EEF1E1: variants seen among roughly 807,000 people sequenced by gnomAD.
EEF1E1 encodes eukaryotic translation elongation factor 1 epsilon 1.
A neutral mutation model predicts 19.9 loss-of-function variants in EEF1E1; 19 were observed. The ratio of observed to expected loss-of-function variants is 0.95; its 90% CI spans 0.66 to 1.40. The LOEUF is 1.40. EEF1E1 is among the 40% of genes most tolerant of loss of function. The pLI is 0.00. For synonymous variants in EEF1E1, 81 were observed against 80.0 expected (o/e 1.01, Z -0.07); for missense variants, 198 against 202.2 (o/e 0.98, Z 0.13).
downstream of EEF1E1, chr6:8,078,821 A>C: frequency 1.7e-6 from 2 of 1,177,014 alleles, no homozygotes; most frequent in Non-Finnish European, 2.1e-6. Context: ...GTCTACTTTA[A>C]TCCTAATTTA....
downstream of EEF1E1, chr6:8,078,599 G>A: frequency 1.8e-6 from 2 of 1,120,422 alleles, no homozygotes; most frequent in Non-Finnish European, 2.2e-6. Flanking sequence ...TCCATGTGTT[G>A]AAGATGAAGA....
intron 2 of EEF1E1, among the ~76,000 whole-genome samples, chr6:8,092,239 A>G (rs1053905712): frequency 6.6e-6 from 1 of 152,234 alleles, no homozygotes; most frequent in African/African-American, 2.4e-5. Context: ...GACCATAGCA[A>G]CATCCCAAAG....
intron 1 of EEF1E1, among the ~76,000 whole-genome samples, chr6:8,099,775 CACACACACACACACACAA>C (rs1304896745): frequency 4.8e-5 from 6 of 124,674 alleles, no homozygotes; most frequent in African/African-American, 2.0e-4. Flanking sequence ...CACACACACA[CACACACACACACACACAA>C]AAAAAAAACA....
intron 2 of EEF1E1, among the ~76,000 whole-genome samples, chr6:8,094,192 G>A (rs1758101527): frequency 6.6e-6 from 1 of 152,114 alleles, no homozygotes; most frequent in Admixed American, 6.5e-5. Context: ...TGTGGAAGAG[G>A]CCACTCTTAT....
intron 3 of EEF1E1, among the ~76,000 whole-genome samples, chr6:8,089,426 C>T (rs550318542): frequency 6.6e-6 from 1 of 152,110 alleles, no homozygotes; most frequent in South Asian, 2.1e-4. Flanking sequence ...GGCTGAGGAG[C>T]AAGGAGAGCC....
At chr6:8,098,887 T>TA (rs1430008707) in intron 1 of EEF1E1, among the ~76,000 whole-genome samples, 2 of 152,158 alleles carry the variant, frequency 1.3e-5, no homozygotes, top group Non-Finnish European at 2.9e-5. Flanking sequence ...TTTGTAAAAA[T>TA]AAATTATCCA....
downstream of EEF1E1, chr6:8,078,678 G>C (rs1337950967): frequency 7.8e-7 from 1 of 1,285,120 alleles, no homozygotes; most frequent in Admixed American, 2.3e-5. Flanking sequence ...AGTCACTTCA[G>C]AGACAAACAT....
chr6:8,092,607 G>A (rs1005177376), intron 2 of EEF1E1, among the ~76,000 whole-genome samples: 2 of 152,142 alleles, frequency 1.3e-5, no homozygotes, highest in Non-Finnish European at 2.9e-5. Context: ...GGAAAGGGTA[G>A]AATGTATTGG....
chr6:8,086,775 G>C (rs1270195877), intron 3 of EEF1E1, among the ~76,000 whole-genome samples: 1 of 152,168 alleles, frequency 6.6e-6, no homozygotes, highest in African/African-American at 2.4e-5. Context: ...AAAGCATAGA[G>C]AAATACGTTT....
At chr6:8,096,446 A>C (rs1488510453) in intron 2 of EEF1E1, among the ~76,000 whole-genome samples, 1 of 152,218 alleles carries the variant, frequency 6.6e-6, no homozygotes, top group Non-Finnish European at 1.5e-5. Flanking sequence ...CTGACTTTGT[A>C]CCAGTTCTCT....
chr6:8,095,599 T>C, intron 2 of EEF1E1: 1 of 150,482 alleles, frequency 6.6e-6, no homozygotes, highest in South Asian at 1.6e-4. Flanking sequence ...CACACATATA[T>C]ACAAAAGGAA....
chr6:8,102,507 T>C lies in EEF1E1; in HGVS notation c.15A>G (p.Ala5=). The C allele has an allele frequency of 3.1e-6, 5 of 1,611,286 alleles. No individual in the cohort carries two copies. Among genetic ancestry groups the C allele is most frequent in the Non-Finnish European group, 4.2e-6 (5 of 1,179,972 alleles). The change falls in exon 1 of 4, where the codon GCA becomes GCG. Residue 5 remains alanine (A), a synonymous_variant. Coordinates refer to ENST00000379715, the MANE Select transcript of EEF1E1 (RefSeq NM_004280.5). The part of the protein sequence containing the change: MAAA[A]ELSLLEKSLG... ...GGGACTTCTCCAGTAGCGACAACTCTGCGGCCGCCGCCATCTTCCGGCCGT... is the reference window on the plus strand; with the variant it reads ...GGGACTTCTCCAGTAGCGACAACTCCGCGGCCGCCGCCATCTTCCGGCCGT...
At chr6:8,076,947 G>GTTTTTTTT (rs70982138), downstream of EEF1E1, among the ~76,000 whole-genome samples, 1 of 113,014 alleles carries the variant, frequency 8.8e-6, no homozygotes, top group African/African-American at 2.9e-5. Flanking sequence ...TTTTGTTTTT[G>GTTTTTTTT]TTTTTTTTTT....
rs1554099258 is a variant in EEF1E1, at chr6:8,092,868, G to GTTTT, written c.289-2588_289-2587insAAAA. On this transcript the variant is annotated intron_variant, in intron 2 of 3. Transcript: ENST00000379715. ...GTTTTGTGTTTTAGTGATAAAGACT[G>GTTTT]CTTTTTTTTTTTTTTTTTTTTTTTG... Among the ~76,000 whole-genome samples, 52 of 108,184 alleles carry GTTTT rather than the reference G, an allele frequency of 4.8e-4. 5 individuals carry two copies. The highest frequency in any genetic ancestry group is 7.5e-4 in the African/African-American group (20 of 26,722). 71.0% of individuals were successfully genotyped at this position (108,184 alleles called of 152,430 possible). A position where few individuals can be genotyped will look rare whatever the true frequency, so the allele number is the denominator to read the frequency against.
intron 1 of EEF1E1, among the ~76,000 whole-genome samples, chr6:8,100,646 T>C (rs1758322747): frequency 6.6e-6 from 1 of 152,112 alleles, no homozygotes; most frequent in Non-Finnish European, 1.5e-5. Context: ...ACTGAAGTAC[T>C]ATTCCGTAAA....
chr6:8,099,169 T>G (rs1051797993), intron 1 of EEF1E1, among the ~76,000 whole-genome samples: 1 of 152,258 alleles, frequency 6.6e-6, no homozygotes, highest in Non-Finnish European at 1.5e-5. Context: ...AAGTAATGAC[T>G]TTTAATGGCT....
chr6:8,099,751 A>AC (rs1758274473), intron 1 of EEF1E1, among the ~76,000 whole-genome samples: 2 of 92,928 alleles, frequency 2.2e-5, no homozygotes, highest in Admixed American at 1.2e-4. Flanking sequence ...CCGCCTCAAA[A>AC]ACACACACAC....
intron 2 of EEF1E1, among the ~76,000 whole-genome samples, chr6:8,094,019 G>A (rs981387335): frequency 5.9e-5 from 9 of 151,880 alleles, no homozygotes; most frequent in Admixed American, 2.0e-4. Context: ...GGCTGATCTC[G>A]GACTCCTAAC....
chr6:8,099,902 G>C (rs1581478093), intron 1 of EEF1E1, among the ~76,000 whole-genome samples: 1 of 152,092 alleles, frequency 6.6e-6, no homozygotes, highest in East Asian at 1.9e-4. Flanking sequence ...ATGTCAATGT[G>C]TTGATGTACC....
Sources: gnomAD v4.1 joint callset for allele counts (sites outside exome capture counted in the v4.1 genomes callset) on GRCh38, gnomAD v4.1.1 for gene constraint, MANE v1.5 for transcripts, NCBI Gene and HGNC (gene_info 2026-07-23, HGNC 2026-07-21) for gene names.